Variants in SEMA5A observed in about 807,000 individuals in gnomAD.
The protein encoded by SEMA5A is semaphorin-5A.
SEMA5A carries 55 observed loss-of-function variants against 135.5 expected under a neutral mutation model. The ratio of observed to expected loss-of-function variants is 0.41; its 90% CI spans 0.33 to 0.51. The LOEUF (loss-of-function observed/expected upper bound fraction) is 0.51. Among genes scored for constraint, SEMA5A ranks in the 20% least tolerant of loss-of-function variants. SEMA5A has a pLI of 0.37. For missense variants in SEMA5A, 1,290 were observed against 1,419.9 expected (o/e 0.91, Z 1.47); for synonymous variants, 580 against 546.5 (o/e 1.06, Z -0.85).
At chr5:9,159,330 G>C (rs750517530) in intron 11 of SEMA5A, among the ~76,000 whole-genome samples, 19 of 152,210 alleles carry the variant, frequency 1.2e-4, no homozygotes, top group Non-Finnish European at 2.8e-4. Context: ...GACTGAAACA[G>C]GGGAAGAGGT....
intron 16 of SEMA5A, among the ~76,000 whole-genome samples, chr5:9,075,881 CT>C (rs1417112877): frequency 1.3e-5 from 2 of 152,100 alleles, no homozygotes; most frequent in African/African-American, 4.8e-5. Context: ...AAGCCTCTTT[CT>C]AATACATGGT....
intron 1 of SEMA5A, among the ~76,000 whole-genome samples, chr5:9,448,808 C>A (rs991063859): frequency 6.6e-6 from 1 of 152,166 alleles, no homozygotes. Context: ...CCTCTGTGAC[C>A]GTGACATGTG....
rs141712161 is a variant in SEMA5A, at chr5:9,131,658, AC to A, written c.1599+4845del. 4.2e-5 allele frequency among the ~76,000 whole-genome samples: 2 copies of A among 47,490 alleles called. 1 individual carries two copies. The highest frequency in any genetic ancestry group is 1.3e-4 in the African/African-American group (2 of 15,666). The allele number at this position is 47,490 out of a possible 152,430, so 31.2% of individuals were successfully genotyped here. A position where few individuals can be genotyped will look rare whatever the true frequency, so the allele number is the denominator to read the frequency against. ...AAAAAAAAAAAAAAAAAAAAAAAAAACCTGTCATGTGAGCAATAGAGCAAGA... is the reference window on the plus strand; with the variant it reads ...AAAAAAAAAAAAAAAAAAAAAAAAAACTGTCATGTGAGCAATAGAGCAAGA... On this transcript the variant is annotated intron_variant, in intron 13 of 22. Transcript: ENST00000382496.
At chr5:9,430,190 AGC>A in intron 2 of SEMA5A, among the ~76,000 whole-genome samples, 1 of 152,242 alleles carries the variant, frequency 6.6e-6, no homozygotes, top group Non-Finnish European at 1.5e-5. Context: ...TTTCAGCCTG[AGC>A]AAGTGGAAGA....
intron 11 of SEMA5A, among the ~76,000 whole-genome samples, chr5:9,176,397 G>A (rs1037116880): frequency 6.6e-6 from 1 of 152,198 alleles, no homozygotes; most frequent in African/African-American, 2.4e-5. Flanking sequence ...CTCCTCACTA[G>A]TCAAGCCTTC....
intron 5 of SEMA5A, among the ~76,000 whole-genome samples, chr5:9,288,794 G>C (rs1750925539): frequency 6.6e-6 from 1 of 152,128 alleles, no homozygotes; most frequent in Non-Finnish European, 1.5e-5. Flanking sequence ...GTAAGATTAA[G>C]CCCACAGTAG....
At chr5:9,503,123 A>AAG (rs3842079) in intron 1 of SEMA5A, among the ~76,000 whole-genome samples, 43,714 of 150,756 alleles carry the variant, frequency 0.29, 6,593 homozygotes, top group East Asian at 0.53. Context: ...AATAGCATAA[A>AAG]AGAGAGAGAG....
intron 4 of SEMA5A, among the ~76,000 whole-genome samples, chr5:9,321,514 A>G (rs1752627681): frequency 6.6e-6 from 1 of 152,220 alleles, no homozygotes; most frequent in Non-Finnish European, 1.5e-5. Context: ...CAATCTCAGG[A>G]AGAAAGCATT....
At chr5:9,316,135 C>T (rs13354960) in intron 5 of SEMA5A, among the ~76,000 whole-genome samples, 41,051 of 151,990 alleles carry the variant, frequency 0.27, 8,156 homozygotes, top group African/African-American at 0.56. Flanking sequence ...CTACCTCTGG[C>T]ATTATCTATT....
At chr5:9,084,874 G>A (rs1048035716) in intron 16 of SEMA5A, among the ~76,000 whole-genome samples, 8 of 152,190 alleles carry the variant, frequency 5.3e-5, no homozygotes, top group Admixed American at 3.9e-4. Flanking sequence ...CTACAGACTT[G>A]TTGAATGGTT....
intron 8 of SEMA5A, among the ~76,000 whole-genome samples, chr5:9,212,904 C>CA (rs1363663162): frequency 3.3e-5 from 5 of 152,176 alleles, no homozygotes; most frequent in Non-Finnish European, 7.3e-5. Context: ...GCTGCTGTAA[C>CA]AAAAAATACC....
intron 4 of SEMA5A, among the ~76,000 whole-genome samples, chr5:9,334,318 C>T (rs1205042613): frequency 1.3e-5 from 2 of 152,150 alleles, no homozygotes; most frequent in African/African-American, 2.4e-5. Context: ...CTTGCTAAAT[C>T]AAGCTTTGCC....
chr5:9,400,600 G>A lies in SEMA5A; in HGVS notation c.-77-20577C>T, dbSNP rs1431769933. Among the ~76,000 whole-genome samples, 6 of 51,648 alleles carry A rather than the reference G, an allele frequency of 1.2e-4. 3 individuals are homozygous for A. The highest frequency in any genetic ancestry group is 4.9e-4 in the Admixed American group (2 of 4,060). The allele number at this position is 51,648 out of a possible 152,430, so 33.9% of individuals were successfully genotyped here. ...CGGCTCACTGCAAGCTCCGCCTCCC[G>A]GGTTCACGCCATTCTCCCGCCTCAG... On this transcript the variant is annotated intron_variant, in intron 2 of 22. Coordinates refer to ENST00000382496, the MANE Select transcript of SEMA5A (RefSeq NM_003966.3).
At chr5:9,226,791 A>G (rs1747334357) in intron 7 of SEMA5A, 78 bp downstream of exon 7, 3 of 1,138,526 alleles carry the variant, frequency 2.6e-6, no homozygotes, top group Non-Finnish European at 3.9e-6. Context: ...ATAGAAATTC[A>G]TTTAAAACTA....
At chr5:9,446,380 G>A (rs1307575869) in intron 1 of SEMA5A, among the ~76,000 whole-genome samples, 1 of 152,120 alleles carries the variant, frequency 6.6e-6, no homozygotes, top group Non-Finnish European at 1.5e-5. Flanking sequence ...CAAAAACTAA[G>A]CAAGTGCTCA....
chr5:9,479,516 G>A lies in SEMA5A; in HGVS notation c.-174-41664C>T, dbSNP rs116894861. 6.1e-4 allele frequency among the ~76,000 whole-genome samples: 93 copies of A among 152,304 alleles called. 3 individuals carry two copies. In the East Asian group the frequency reaches 0.012, roughly 20 times the overall value. On this transcript the variant is annotated intron_variant, in intron 1 of 22. Coordinates refer to ENST00000382496, the MANE Select transcript of SEMA5A (RefSeq NM_003966.3). ...AGTGTTCCATCTGGAGTGTCGGAGC[G>A]TCAGCTTCCTCATCTGTAACATCTA...
chr5:9,358,117 T>G (rs1754533092), intron 3 of SEMA5A, among the ~76,000 whole-genome samples: 1 of 152,136 alleles, frequency 6.6e-6, no homozygotes, highest in Admixed American at 6.5e-5. Flanking sequence ...TCCCCACTGC[T>G]TTTTGTTTGG....
chr5:9,295,021 C>T (rs1478372939), intron 5 of SEMA5A, among the ~76,000 whole-genome samples: 1 of 152,136 alleles, frequency 6.6e-6, no homozygotes, highest in African/African-American at 2.4e-5. Context: ...CATCCAGACC[C>T]TCAAAACCCA....
rs183785129 is a variant in SEMA5A, at chr5:9,482,204, A to G, written c.-174-44352T>C. ...CTGAACAGTACCTGACATTTCACCC[A>G]TTTAAATTATAGACTTTTCCTACTC... On this transcript the variant is annotated intron_variant, in intron 1 of 22. Transcript: ENST00000382496. Among the ~76,000 whole-genome samples, 296 of 152,314 alleles carry G rather than the reference A, an allele frequency of 1.9e-3. 2 individuals carry two copies. The highest frequency in any genetic ancestry group is 6.7e-3 in the African/African-American group (280 of 41,566).
Sources: gnomAD v4.1 joint callset for allele counts (sites outside exome capture counted in the v4.1 genomes callset) on GRCh38, gnomAD v4.1.1 for gene constraint, MANE v1.5 for transcripts, NCBI Gene and HGNC (gene_info 2026-07-23, HGNC 2026-07-21) for gene names.